Variants in ADGRL3 observed in about 807,000 individuals in gnomAD.
ADGRL3 encodes the protein calcium-independent alpha-latrotoxin receptor 3.
A neutral mutation model predicts 153.5 loss-of-function variants in ADGRL3; 62 were observed. That is an observed-to-expected ratio of 0.40 (90% confidence interval 0.33 to 0.50). ADGRL3 has a LOEUF of 0.50. ADGRL3 is among the 20% of genes least tolerant of loss of function. The pLI is 0.47. For missense variants in ADGRL3, 1,641 were observed against 1,859.4 expected (o/e 0.88, Z 2.16); for synonymous variants, 710 against 672.5 (o/e 1.06, Z -0.86).
chr4:61,352,781 G>A (rs1450083349), intron 1 of ADGRL3, among the ~76,000 whole-genome samples: 3 of 152,146 alleles, frequency 2.0e-5, no homozygotes, highest in African/African-American at 7.2e-5. Flanking sequence ...AACCTAACCT[G>A]CAGTATCTCC....
At chr4:61,401,429 A>T (rs1158564798) in intron 2 of ADGRL3, among the ~76,000 whole-genome samples, 1 of 152,018 alleles carries the variant, frequency 6.6e-6, no homozygotes, top group Non-Finnish European at 1.5e-5. Context: ...AATAAAAATG[A>T]AATATTTAGT....
chr4:61,370,918 A>G (rs1170695263), intron 1 of ADGRL3, among the ~76,000 whole-genome samples: 2 of 150,148 alleles, frequency 1.3e-5, no homozygotes, highest in African/African-American at 4.9e-5. Flanking sequence ...GTGCTCCTGT[A>G]TTGGGTGCAT....
intron 5 of ADGRL3, among the ~76,000 whole-genome samples, chr4:61,614,458 G>A (rs987763397): frequency 1.3e-5 from 2 of 152,134 alleles, no homozygotes; most frequent in African/African-American, 4.8e-5. Flanking sequence ...ACTGCAGGAT[G>A]TGAGCAATCA....
At chr4:61,646,985 G>A (rs987202961) in intron 5 of ADGRL3, among the ~76,000 whole-genome samples, 8 of 152,350 alleles carry the variant, frequency 5.3e-5, no homozygotes, top group East Asian at 1.9e-4. Flanking sequence ...CTGGTGCGCC[G>A]TTTTTTAAGC....
intron 2 of ADGRL3, among the ~76,000 whole-genome samples, chr4:61,411,634 A>G (rs1319614316): frequency 2.0e-5 from 3 of 152,138 alleles, no homozygotes; most frequent in Non-Finnish European, 2.9e-5. Flanking sequence ...AATTTTGACT[A>G]ATTTCTCTTT....
chr4:61,473,115 T>C (rs2152692585), intron 2 of ADGRL3, among the ~76,000 whole-genome samples: 1 of 152,144 alleles, frequency 6.6e-6, no homozygotes, highest in South Asian at 2.1e-4. Context: ...AAATGAGAGA[T>C]TGAAGTGTGT....
chr4:61,337,086 A>G (rs2095693533), intron 1 of ADGRL3, among the ~76,000 whole-genome samples: 2 of 151,988 alleles, frequency 1.3e-5, no homozygotes, highest in Admixed American at 6.6e-5. Flanking sequence ...CTTGCCTGGC[A>G]GGTGGCCACA....
intron 1 of ADGRL3, among the ~76,000 whole-genome samples, chr4:61,294,153 C>T (rs1432058440): frequency 6.6e-6 from 1 of 152,054 alleles, no homozygotes; most frequent in Non-Finnish European, 1.5e-5. Flanking sequence ...GTAAGGCACT[C>T]TTGTTTTGTT....
chr4:61,463,218 A>G (rs2097844264), intron 2 of ADGRL3, among the ~76,000 whole-genome samples: 1 of 152,148 alleles, frequency 6.6e-6, no homozygotes, highest in South Asian at 2.1e-4. Context: ...ATAGCCTTCT[A>G]TATTCGTCTG....
intron 1 of ADGRL3, among the ~76,000 whole-genome samples, chr4:61,364,672 A>G (rs2096362454): frequency 6.6e-6 from 1 of 152,228 alleles, no homozygotes; most frequent in Non-Finnish European, 1.5e-5. Context: ...TGAAGCCATT[A>G]ACACGGACAG....
rs146093228 is a variant in ADGRL3, at chr4:61,992,449, G to A, written c.3237-3842G>A. Among the ~76,000 whole-genome samples, 319 of 152,278 alleles carry A rather than the reference G, an allele frequency of 2.1e-3. 2 individuals are homozygous for A. The highest frequency in any genetic ancestry group is 4.3e-3 in the South Asian group (21 of 4,830). On this transcript the variant is annotated intron_variant, in intron 19 of 26. Transcript: ENST00000683033. Reference sequence around the variant, plus strand: ...CACAGTGAACTGGGACAGGAATCATGCAAATTTTTAAGGTAGTTAATAGGA... The same window carrying A: ...CACAGTGAACTGGGACAGGAATCATACAAATTTTTAAGGTAGTTAATAGGA...
chr4:61,981,421 A>G (rs35019241), intron 18 of ADGRL3, among the ~76,000 whole-genome samples: 64,791 of 151,378 alleles, frequency 0.43, 14,312 homozygotes, highest in East Asian at 0.79. Context: ...TCCCAAATTT[A>G]TTTGGCACTT....
At chr4:61,564,367 C>T (rs1283701564) in intron 4 of ADGRL3, among the ~76,000 whole-genome samples, 1 of 152,034 alleles carries the variant, frequency 6.6e-6, no homozygotes, top group East Asian at 1.9e-4. Flanking sequence ...CTCGAATTTC[C>T]AGACTCAAGA....
chr4:61,601,370 T>A (rs1297826216), intron 5 of ADGRL3, among the ~76,000 whole-genome samples: 2 of 152,186 alleles, frequency 1.3e-5, no homozygotes, highest in Admixed American at 1.3e-4. Context: ...ATCTTAATTT[T>A]AGTAACTATA....
At chr4:61,998,138 C>T in intron 20 of ADGRL3, 36 bp from the exon 21 acceptor site, 1 of 1,189,696 alleles carries the variant, frequency 8.4e-7, no homozygotes, top group Non-Finnish European at 1.2e-6. Context: ...GTTCCTACTC[C>T]AATTATGCTA....
At chr4:61,556,656 A>C (rs996083307) in intron 4 of ADGRL3, among the ~76,000 whole-genome samples, 2 of 152,226 alleles carry the variant, frequency 1.3e-5, no homozygotes, top group Non-Finnish European at 2.9e-5. Flanking sequence ...CAACAAACAC[A>C]GATGCTTTGC....
intron 2 of ADGRL3, among the ~76,000 whole-genome samples, chr4:61,479,299 G>A (rs137898128): frequency 2.6e-4 from 39 of 152,142 alleles, no homozygotes; most frequent in African/African-American, 8.7e-4. Context: ...ATAAAGAGAT[G>A]TTTAGATGTA....
At chr4:61,460,223 G>A (rs900560281) in intron 2 of ADGRL3, among the ~76,000 whole-genome samples, 1 of 151,988 alleles carries the variant, frequency 6.6e-6, no homozygotes. Flanking sequence ...TTACATTTAA[G>A]TCTTTAGAGT....
intron 2 of ADGRL3, among the ~76,000 whole-genome samples, chr4:61,433,527 A>G (rs1348119139): frequency 2.0e-5 from 3 of 152,198 alleles, no homozygotes; most frequent in African/African-American, 7.2e-5. Context: ...GGTGAAACAA[A>G]TCATATTTCT....
Sources: gnomAD v4.1 joint callset for allele counts (sites outside exome capture counted in the v4.1 genomes callset) on GRCh38, gnomAD v4.1.1 for gene constraint, MANE v1.5 for transcripts, NCBI Gene and HGNC (gene_info 2026-07-23, HGNC 2026-07-21) for gene names.